The following ZNF726 variants were observed in gnomAD, a reference collection of about 807,000 sequenced individuals.
ZNF726 encodes zinc finger protein 726.
ZNF726 carries 15 observed loss-of-function variants against 11.6 expected under a neutral mutation model. The ratio of observed to expected loss-of-function variants is 1.29; its 90% CI spans 0.86 to 1.99. ZNF726 has a LOEUF of 1.99. ZNF726 is among the 30% of genes most tolerant of loss of function. The pLI is 0.00. For synonymous variants in ZNF726, 295 were observed against 243.6 expected, an observed-to-expected ratio of 1.21 and a Z score of -1.96; for missense variants, 890 against 725.6, an observed-to-expected ratio of 1.23 and a Z score of -2.60.
At chr19:23,935,671 T>C (rs1968218547), downstream of ZNF726, 1 of 293,262 alleles carries the variant, frequency 3.4e-6, no homozygotes, top group Admixed American at 4.5e-5. Flanking sequence ...TGCACTTCAT[T>C]GTATGTAAGA....
At chr19:23,943,510 C>T (rs1188449384) in exon 4 of ZNF726, 1 of 663,614 alleles carries the variant, frequency 1.5e-6, no homozygotes, top group Non-Finnish European at 2.8e-6. Flanking sequence ...CTGTCTCTAA[C>T]CCTGATCTGA....
intron 3 of ZNF726, among the ~76,000 whole-genome samples, chr19:23,926,880 T>C (rs1194271289): frequency 6.6e-6 from 1 of 152,182 alleles, no homozygotes; most frequent in Admixed American, 6.5e-5. Flanking sequence ...GAAAATATAA[T>C]GTCTCTGTTG....
chr19:23,919,623 C>T, intron 2 of ZNF726, 124 bp downstream of exon 2: 1 of 1,271,818 alleles, frequency 7.9e-7, no homozygotes, highest in Non-Finnish European at 1.0e-6. Flanking sequence ...GGGGATTTGT[C>T]TGTTTAGAAA....
chr19:23,936,544 G>A (rs1599472846), downstream of ZNF726, among the ~76,000 whole-genome samples: 1 of 151,958 alleles, frequency 6.6e-6, no homozygotes, highest in East Asian at 1.9e-4. Context: ...TTTTTTATTA[G>A]GTAGGCCTTT....
chr19:23,923,044 G>T lies in ZNF726; in HGVS notation c.226+2962G>T, dbSNP rs1321276703. Among the ~76,000 whole-genome samples the T allele has an allele frequency of 2.0e-5, 3 of 151,496 alleles. No individual in the cohort carries two copies. The East Asian group carries it at 5.8e-4, about 29-fold the overall frequency. Reference sequence around the variant, plus strand: ...TAGGACAATATACTAGAATTTACATGTTGTTCCTGAATTAAATTAGATAAT... The same window carrying T: ...TAGGACAATATACTAGAATTTACATTTTGTTCCTGAATTAAATTAGATAAT... On this transcript the variant is annotated intron_variant, in intron 3 of 3. Transcript: ENST00000594466.
rs113791378 is a variant in ZNF726, at chr19:23,933,956, A to T, written c.1840A>T (p.Ile614Phe). 1.8e-5 allele frequency: 28 copies of T among 1,578,200 alleles called. 1 individual carries two copies. The highest frequency in any genetic ancestry group is 1.6e-4 in the African/African-American group (12 of 73,654). The change falls in exon 4 of 4, where the codon ATT (isoleucine) becomes TTT (phenylalanine). Residue 614 changes from isoleucine to phenylalanine, a missense_variant. Physicochemically the swap from Ile to Phe is conservative, Grantham distance 21 (BLOSUM62 0). Transcript: ENST00000594466. Reference sequence around the variant, plus strand: ...CTCAACCCTTTTTAAGCATAAGAGGATTCATACTTGAGAGAAACCTTAAAA... The same window carrying T: ...CTCAACCCTTTTTAAGCATAAGAGGTTTCATACTTGAGAGAAACCTTAAAA... ...WSSTLFKHKR[I>F]HT
At position 23,933,433 on chromosome 19, in the gene ZNF726, C is replaced by T. The variant is rs769159199; in HGVS notation, c.1317C>T (p.Asn439=). 2 of 1,611,906 alleles carry T rather than the reference C, an allele frequency of 1.2e-6. No homozygotes were observed. Among genetic ancestry groups the T allele is most frequent in the African/African-American group, 1.3e-5 (1 of 74,666 alleles). Residue 439 remains asparagine (N), a synonymous_variant, in exon 4 of 4, where the codon AAC becomes AAT. Transcript: ENST00000594466. ...ECGKAFIWSS[N]LTEHKKIHTR... Reference sequence around the variant, plus strand: ...GCAAAGCGTTTATATGGTCCTCAAACCTTACTGAACATAAGAAAATTCATA... The same window carrying T: ...GCAAAGCGTTTATATGGTCCTCAAATCTTACTGAACATAAGAAAATTCATA...
intron 3 of ZNF726, among the ~76,000 whole-genome samples, chr19:23,941,837 G>C (rs985947191): frequency 6.6e-6 from 1 of 152,036 alleles, no homozygotes; most frequent in African/African-American, 2.4e-5. Context: ...TCATTTCTCA[G>C]TGAGGTTATT....
chr19:23,943,245 A>G (rs1470291750), intron 3 of ZNF726, among the ~76,000 whole-genome samples: 9 of 152,234 alleles, frequency 5.9e-5, no homozygotes, highest in Non-Finnish European at 1.2e-4. Flanking sequence ...TTCAATGGCA[A>G]TAAATATTGT....
Position 23,934,451 on chromosome 19 carries a change from C to G in ZNF726, c.*484C>G. ...AATCCTGAGTAACCATAAGATAATT[C>G]AAACTGGAAAGAAACCCTGCAAGTC... On this transcript the variant is annotated 3_prime_UTR_variant, in exon 4 of 4. Coordinates refer to ENST00000594466, the MANE Select transcript of ZNF726 (RefSeq NM_001244038.2). The G allele has an allele frequency of 2.5e-6, 1 of 407,858 alleles. No homozygotes were observed. Among genetic ancestry groups the G allele is most frequent in the South Asian group, 1.9e-5 (1 of 51,754 alleles). 25.3% of individuals were successfully genotyped at this position (407,858 alleles called of 1,614,324 possible). A position where few individuals can be genotyped will look rare whatever the true frequency, so the allele number is the denominator to read the frequency against.
Position 23,934,373 on chromosome 19 carries a change from G to T in ZNF726, c.*406G>T. On this transcript the variant is annotated 3_prime_UTR_variant, in exon 4 of 4. Coordinates refer to ENST00000594466, the MANE Select transcript of ZNF726 (RefSeq NM_001244038.2). ...TACTGAACATAAAGTAATTCATACT[G>T]AAGAGAAACCCTACAAATGTGAAAA... 2 of 522,596 alleles carry T rather than the reference G, an allele frequency of 3.8e-6. No homozygotes were observed. The highest frequency in any genetic ancestry group is 1.5e-5 in the South Asian group (1 of 67,594). The allele number at this position is 522,596 out of a possible 1,614,324, so 32.4% of individuals were successfully genotyped here.
chr19:23,919,687 A>T lies in ZNF726; in HGVS notation c.130+188A>T, dbSNP rs991836166. 8.6e-5 allele frequency: 59 copies of T among 687,060 alleles called. 1 individual carries two copies. Among genetic ancestry groups the T allele is most frequent in the Non-Finnish European group, 1.2e-4 (55 of 467,020 alleles). 42.6% of individuals were successfully genotyped at this position (687,060 alleles called of 1,614,324 possible). A position where few individuals can be genotyped will look rare whatever the true frequency, so the allele number is the denominator to read the frequency against. On this transcript the variant is annotated intron_variant, in intron 2 of 3. Coordinates refer to ENST00000594466, the MANE Select transcript of ZNF726 (RefSeq NM_001244038.2). ...CTGAAATTTCCACATTCCTGAGCTG[A>T]TCTGTGTCTTTCGCTTTAGATTAGT...
chr19:23,924,298 C>T (rs1967930643), intron 3 of ZNF726, among the ~76,000 whole-genome samples: 1 of 151,868 alleles, frequency 6.6e-6, no homozygotes, highest in Non-Finnish European at 1.5e-5. Context: ...AGTTGAAATG[C>T]CCACCTTGGC....
intron 3 of ZNF726, among the ~76,000 whole-genome samples, chr19:23,925,713 C>CTTTTTTTTTTTTTTTTTTTTTTTTTT (rs1207103965): frequency 8.9e-6 from 1 of 112,602 alleles, no homozygotes; most frequent in Admixed American, 9.1e-5. Flanking sequence ...TTTTTCTTTT[C>CTTTTTTTTTTTTTTTTTTTTTTTTTT]TTTTTTTTTT....
At chr19:23,926,832 GT>G (rs1400515013) in intron 3 of ZNF726, among the ~76,000 whole-genome samples, 1 of 151,906 alleles carries the variant, frequency 6.6e-6, no homozygotes, top group East Asian at 1.9e-4. Context: ...GTACCAAATT[GT>G]TTTTGTTATT....
intron 3 of ZNF726, among the ~76,000 whole-genome samples, chr19:23,939,599 A>C (rs1168885137): frequency 6.6e-6 from 1 of 152,174 alleles, no homozygotes; most frequent in African/African-American, 2.4e-5. Context: ...GAATCTCCCC[A>C]CTTTTTTCCA....
intron 3 of ZNF726, among the ~76,000 whole-genome samples, chr19:23,940,057 T>C (rs1013685546): frequency 6.6e-6 from 1 of 152,106 alleles, no homozygotes; most frequent in Non-Finnish European, 1.5e-5. Flanking sequence ...TCTTTGTTTT[T>C]ACTGCGTTTG....
chr19:23,939,738 G>A (rs1452614390), intron 3 of ZNF726, among the ~76,000 whole-genome samples: 1 of 151,982 alleles, frequency 6.6e-6, no homozygotes, highest in Admixed American at 6.6e-5. Flanking sequence ...AGGTGGTATG[G>A]CATTGTGGTT....
rs1967661480 is a variant in ZNF726, at chr19:23,915,013, G to C, written c.3+16G>C. On this transcript the variant is annotated intron_variant, in intron 1 of 3. Coordinates refer to ENST00000594466, the MANE Select transcript of ZNF726 (RefSeq NM_001244038.2). ...CCTAGAAATGGTGAGAGTGCCGGGT[G>C]CGACATCCCAAGAGAGGGAACGGGG... 1 of 1,613,846 alleles carries C rather than the reference G, an allele frequency of 6.2e-7. No individual in the cohort carries two copies.
Sources: gnomAD v4.1 joint callset for allele counts (sites outside exome capture counted in the v4.1 genomes callset) on GRCh38, gnomAD v4.1.1 for gene constraint, MANE v1.5 for transcripts, NCBI Gene and HGNC (gene_info 2026-07-23, HGNC 2026-07-21) for gene names.